The following MAP4 variants were observed in gnomAD, a reference collection of about 807,000 sequenced individuals.
MAP4 encodes microtubule-associated protein 4.
In MAP4, 76 loss-of-function variants were observed where a neutral mutation model predicts 170.2. That is an observed-to-expected ratio of 0.45 (90% CI 0.37 to 0.54). The LOEUF is 0.54. MAP4 is among the 20% of genes least tolerant of loss of function. MAP4 has a pLI of 0.00. For missense variants in MAP4, 2,506 were observed against 2,748.0 expected, an observed-to-expected ratio of 0.91 and a Z score of 1.97; for synonymous variants, 909 against 994.5, an observed-to-expected ratio of 0.91 and a Z score of 1.62.
chr3:47,999,570 G>A (rs1205669383), intron 1 of MAP4, among the ~76,000 whole-genome samples: 2 of 152,120 alleles, frequency 1.3e-5, no homozygotes, highest in African/African-American at 4.8e-5. Flanking sequence ...TGGGAAGCAG[G>A]AGGATATTAT....
intron 10 of MAP4, among the ~76,000 whole-genome samples, chr3:47,881,965 G>C (rs1349722427): frequency 6.6e-6 from 1 of 152,044 alleles, no homozygotes; most frequent in African/African-American, 2.4e-5. Context: ...GTAGTACTCA[G>C]ACCATTTGCT....
chr3:48,088,073 G>C (rs1442501708), intron 1 of MAP4, among the ~76,000 whole-genome samples: 1 of 152,034 alleles, frequency 6.6e-6, no homozygotes, highest in African/African-American at 2.4e-5. Flanking sequence ...TTCACCAAAG[G>C]GATCTAACTC....
At chr3:47,894,974 C>T (rs1386349747) in intron 10 of MAP4, among the ~76,000 whole-genome samples, 2 of 148,076 alleles carry the variant, frequency 1.4e-5, no homozygotes, top group African/African-American at 2.5e-5. Context: ...TGCAGTGGGC[C>T]GTGATCACAT....
chr3:47,891,488 G>A (rs1163989006), intron 10 of MAP4: 2 of 1,515,936 alleles, frequency 1.3e-6, no homozygotes, highest in African/African-American at 2.8e-5. Context: ...GCTACTAGGG[G>A]GAGGCAGCAG....
chr3:47,937,039 T>A (rs2100053389), intron 3 of MAP4, among the ~76,000 whole-genome samples: 1 of 151,694 alleles, frequency 6.6e-6, no homozygotes, highest in South Asian at 2.1e-4. Flanking sequence ...GGTTCTAATC[T>A]TGACTCTGCC....
At chr3:47,998,204 G>GA (rs2100097037) in intron 2 of MAP4, among the ~76,000 whole-genome samples, 1 of 152,128 alleles carries the variant, frequency 6.6e-6, no homozygotes, top group Non-Finnish European at 1.5e-5. Context: ...TCTGATCCAG[G>GA]AAAATGGCAA....
At position 47,872,014 on chromosome 3, in the gene MAP4, G is replaced by A. The variant is rs762309953; in HGVS notation, c.5844C>T (p.Ser1948=). 1.9e-6 allele frequency: 3 copies of A among 1,613,976 alleles called. No homozygotes were observed. Among genetic ancestry groups the A allele is most frequent in the African/African-American group, 2.7e-5 (2 of 74,934 alleles). The change falls in exon 13 of 21, where the codon AGC becomes AGT. Residue 1948 remains serine (S), a synonymous_variant. Transcript: ENST00000683076. ...TTGTGGTTTTTGCAACAGTCTGAGT[G>A]CTCTTGGACCCAGATCTGGAGGCTG... ...SAPASRSGSK[S]TQTVAKTTTA...
intron 10 of MAP4, among the ~76,000 whole-genome samples, chr3:47,896,670 C>T (rs187782964): frequency 3.3e-5 from 5 of 152,122 alleles, no homozygotes; most frequent in Non-Finnish European, 7.3e-5. Context: ...AGTCCCTGGA[C>T]TGGAGAACTG....
chr3:47,852,979 G>T, intron 20 of MAP4, 41 bp from the exon 21 acceptor site: 3 of 1,614,154 alleles, frequency 1.9e-6, no homozygotes, highest in East Asian at 4.5e-5. Context: ...GGGGAACAGG[G>T]GAGACAAGAG....
Sources: allele counts gnomAD v4.1 joint callset (sites outside exome capture counted in the v4.1 genomes callset), GRCh38; gene constraint gnomAD v4.1.1; transcripts MANE v1.5; gene names NCBI Gene and HGNC (gene_info 2026-07-23, HGNC 2026-07-21).